Variants in SGCZ observed in about 807,000 individuals in gnomAD.
SGCZ encodes the protein sarcoglycan zeta, also known as zeta-sarcoglycan.
In SGCZ, 40 loss-of-function variants were observed where a neutral mutation model predicts 41.3. The ratio of observed to expected loss-of-function variants is 0.97; its 90% CI spans 0.75 to 1.26. SGCZ has a LOEUF of 1.26. Ranked by LOEUF, SGCZ falls within the 50% of genes most tolerant of loss-of-function variation. SGCZ has a pLI of 0.00. For synonymous variants in SGCZ, 206 were observed against 137.5 expected (o/e 1.50, Z -3.49); for missense variants, 552 against 369.8 (o/e 1.49, Z -4.04).
chr8:14,892,833 T>C (rs182621402), intron 1 of SGCZ, among the ~76,000 whole-genome samples: 1 of 152,336 alleles, frequency 6.6e-6, no homozygotes, highest in African/African-American at 2.4e-5. Flanking sequence ...AGGTTTGAAC[T>C]ATATGATCTC....
chr8:15,179,428 G>A (rs1457222), intron 1 of SGCZ, among the ~76,000 whole-genome samples: 62,884 of 151,988 alleles, frequency 0.41, 14,591 homozygotes, highest in Non-Finnish European at 0.5. Flanking sequence ...ATAAAACTAC[G>A]TAAGATGTAT....
chr8:15,071,680 T>C (rs1157438124), intron 1 of SGCZ, among the ~76,000 whole-genome samples: 1 of 152,206 alleles, frequency 6.6e-6, no homozygotes, highest in Non-Finnish European at 1.5e-5. Context: ...AATGGTGTAA[T>C]TTTTGTTTGG....
rs145909017 is a variant in SGCZ at position 14,774,765 on chromosome 8, A to T, written c.40-219839T>A. The stretch of plus-strand genomic sequence containing the variant: ...CATTAGCACGAAGGCAATATATTCA[A>T]ACCAACATGAACAAGTATTACTATC... On this transcript the variant is annotated intron_variant, in intron 1 of 7. Coordinates refer to ENST00000382080, the MANE Select transcript of SGCZ (RefSeq NM_139167.4). 5.1e-4 allele frequency among the ~76,000 whole-genome samples: 77 copies of T among 152,320 alleles called. No individual in the cohort carries two copies. In the East Asian group the frequency reaches 0.014, roughly 28 times the overall value.
chr8:15,091,897 C>T (rs1806166014), intron 1 of SGCZ, among the ~76,000 whole-genome samples: 1 of 152,064 alleles, frequency 6.6e-6, no homozygotes, highest in Admixed American at 6.6e-5. Flanking sequence ...GGACTACAAG[C>T]TCACACCATT....
intron 1 of SGCZ, among the ~76,000 whole-genome samples, chr8:15,023,105 C>A (rs565153601): frequency 9.8e-5 from 15 of 152,330 alleles, no homozygotes; most frequent in Admixed American, 2.0e-4. Flanking sequence ...CTGCTGCCAG[C>A]TGTCATCATC....
At chr8:14,935,112 A>T (rs1800042370) in intron 1 of SGCZ, among the ~76,000 whole-genome samples, 1 of 151,704 alleles carries the variant, frequency 6.6e-6, no homozygotes, top group Admixed American at 6.6e-5. Flanking sequence ...AAACACAAAA[A>T]GTGCAAGTAT....
chr8:15,190,452 G>A (rs138243343), intron 1 of SGCZ, among the ~76,000 whole-genome samples: 5 of 152,034 alleles, frequency 3.3e-5, no homozygotes, highest in African/African-American at 1.2e-4. Context: ...CAGCCCTCAA[G>A]TGACAGTCTA....
chr8:15,160,438 G>A (rs1191305503), intron 1 of SGCZ, among the ~76,000 whole-genome samples: 2 of 152,194 alleles, frequency 1.3e-5, no homozygotes, highest in South Asian at 2.1e-4. Context: ...GAATAACGCT[G>A]CTATGAACAG....
At chr8:14,980,008 C>G (rs551264755) in intron 1 of SGCZ, among the ~76,000 whole-genome samples, 1 of 152,204 alleles carries the variant, frequency 6.6e-6, no homozygotes, top group African/African-American at 2.4e-5. Flanking sequence ...TCCTTCATGA[C>G]AAACTTAGGA....
chr8:14,316,465 G>T (rs6990042), intron 3 of SGCZ, among the ~76,000 whole-genome samples: 86,960 of 151,540 alleles, frequency 0.57, 25,313 homozygotes, highest in South Asian at 0.76. Flanking sequence ...AAACATAATA[G>T]GCCTGACTCA....
chr8:14,643,184 T>C (rs945888888), intron 1 of SGCZ, among the ~76,000 whole-genome samples: 2 of 151,674 alleles, frequency 1.3e-5, no homozygotes, highest in African/African-American at 2.4e-5. Flanking sequence ...CAAGAAAGTA[T>C]TTCCTGATTG....
At chr8:14,333,857 A>T (rs1002767117) in intron 2 of SGCZ, among the ~76,000 whole-genome samples, 5 of 152,146 alleles carry the variant, frequency 3.3e-5, no homozygotes, top group African/African-American at 1.2e-4. Flanking sequence ...TGGAGTCTCA[A>T]AAATAGGTGA....
chr8:14,930,289 C>A (rs755468064), intron 1 of SGCZ, among the ~76,000 whole-genome samples: 2 of 151,978 alleles, frequency 1.3e-5, no homozygotes, highest in Non-Finnish European at 2.9e-5. Context: ...CAATGAGATA[C>A]TATCTCATGC....
At chr8:14,513,718 C>T (rs924598342) in intron 2 of SGCZ, among the ~76,000 whole-genome samples, 1 of 152,034 alleles carries the variant, frequency 6.6e-6, no homozygotes, top group African/African-American at 2.4e-5. Context: ...CTTCAGAAAA[C>T]TCCCCTTCAG....
chr8:15,076,028 C>T (rs1407796593), intron 1 of SGCZ, among the ~76,000 whole-genome samples: 2 of 151,934 alleles, frequency 1.3e-5, no homozygotes, highest in Non-Finnish European at 2.9e-5. Context: ...ACTTTTGGTA[C>T]TATGAGACTA....
chr8:15,090,319 A>G (rs1359266226), intron 1 of SGCZ, among the ~76,000 whole-genome samples: 2 of 152,228 alleles, frequency 1.3e-5, no homozygotes, highest in Non-Finnish European at 2.9e-5. Flanking sequence ...TAAAATTAAC[A>G]CTTGAGGTTT....
intron 1 of SGCZ, among the ~76,000 whole-genome samples, chr8:14,901,814 G>T (rs1329148794): frequency 6.6e-6 from 1 of 152,056 alleles, no homozygotes; most frequent in African/African-American, 2.4e-5. Flanking sequence ...TTCATGTGCA[G>T]GAAATGTCAC....
intron 4 of SGCZ, among the ~76,000 whole-genome samples, chr8:14,216,076 C>T (rs1805983996): frequency 1.3e-5 from 2 of 152,216 alleles, no homozygotes; most frequent in African/African-American, 2.4e-5. Context: ...TTTGAATCAA[C>T]ACATTTGTGG....
rs535239299 is a variant in SGCZ at position 14,703,215 on chromosome 8, G to C, written c.40-148289C>G. On this transcript the variant is annotated intron_variant, in intron 1 of 7. Transcript: ENST00000382080. ...CACAATATTTACTTTCATACATGCAGTGATCTGGTGGCTCTGGCTCTTTCT... is the reference window on the plus strand; with the variant it reads ...CACAATATTTACTTTCATACATGCACTGATCTGGTGGCTCTGGCTCTTTCT... Among the ~76,000 whole-genome samples, 33 of 151,998 alleles carry C rather than the reference G, an allele frequency of 2.2e-4. 1 individual carries two copies. In the South Asian group the frequency reaches 6.8e-3, roughly 31 times the overall value.
Sources: gnomAD v4.1 joint callset for allele counts (sites outside exome capture counted in the v4.1 genomes callset) on GRCh38, gnomAD v4.1.1 for gene constraint, MANE v1.5 for transcripts, NCBI Gene and HGNC (gene_info 2026-07-23, HGNC 2026-07-21) for gene names.